Variants in NEDD4 observed in about 807,000 individuals in gnomAD.
The protein encoded by NEDD4 is NEDD4 E3 ubiquitin protein ligase.
Under a neutral mutation model 144.9 loss-of-function variants are expected in NEDD4, and 99 were observed. The ratio of observed to expected loss-of-function variants is 0.68; its 90% CI spans 0.58 to 0.81. NEDD4 has a LOEUF of 0.81. Among genes scored for constraint, NEDD4 ranks in the 30% least tolerant of loss-of-function variants. NEDD4 has a pLI of 0.00. For missense variants in NEDD4, 985 were observed against 1,065.9 expected (o/e 0.92, Z 1.06); for synonymous variants, 318 against 350.6 (o/e 0.91, Z 1.04).
chr15:55,993,443 A>G, intron 1 of NEDD4, 68 bp downstream of exon 1: 1 of 1,557,226 alleles, frequency 6.4e-7, no homozygotes, highest in Non-Finnish European at 8.7e-7. Context: ...CGCCGCCGCT[A>G]CCTCCCCGGG....
intron 5 of NEDD4, 38 bp from the exon 6 acceptor site, chr15:55,874,046 G>A (rs1232477717): frequency 6.9e-6 from 8 of 1,164,400 alleles, no homozygotes; most frequent in Middle Eastern, 2.0e-4. Flanking sequence ...TTAGTAATAC[G>A]CTCAATTCCT....
intron 4 of NEDD4, among the ~76,000 whole-genome samples, chr15:55,928,618 T>C (rs559476866): frequency 6.6e-6 from 1 of 152,326 alleles, no homozygotes; most frequent in East Asian, 1.9e-4. Context: ...TCTATCCACT[T>C]GCAACACCTT....
chr15:55,960,492 CT>C (rs1168912183), intron 2 of NEDD4, among the ~76,000 whole-genome samples: 2 of 152,140 alleles, frequency 1.3e-5, no homozygotes, highest in South Asian at 4.1e-4. Context: ...CAGTGATATG[CT>C]AGGGGCTCTT....
chr15:55,851,145 C>T (rs2033965287), intron 13 of NEDD4, among the ~76,000 whole-genome samples: 1 of 152,078 alleles, frequency 6.6e-6, no homozygotes, highest in Non-Finnish European at 1.5e-5. Context: ...TCCCAAAACT[C>T]ACAGGATGGG....
At chr15:55,992,660 G>A (rs963609770) in intron 1 of NEDD4, among the ~76,000 whole-genome samples, 2 of 152,136 alleles carry the variant, frequency 1.3e-5, no homozygotes, top group Non-Finnish European at 2.9e-5. Context: ...CAATCTCCAA[G>A]AACACACAGA....
intron 5 of NEDD4, among the ~76,000 whole-genome samples, chr15:55,899,110 T>C (rs978820205): frequency 2.0e-4 from 30 of 152,226 alleles, no homozygotes; most frequent in East Asian, 5.8e-4. Flanking sequence ...AGATTGTACA[T>C]ATGGCCAGAG....
At chr15:55,882,667 G>C (rs1478934136) in intron 5 of NEDD4, among the ~76,000 whole-genome samples, 1 of 152,192 alleles carries the variant, frequency 6.6e-6, no homozygotes, top group Admixed American at 6.5e-5. Context: ...GACTTGGGGG[G>C]CAGGTGATCT....
At chr15:55,931,943 C>G (rs1006493717) in intron 4 of NEDD4, among the ~76,000 whole-genome samples, 8 of 152,328 alleles carry the variant, frequency 5.3e-5, no homozygotes, top group African/African-American at 1.9e-4. Flanking sequence ...AACCACTAAT[C>G]TACTTTCTGT....
intron 18 of NEDD4, among the ~76,000 whole-genome samples, chr15:55,843,892 A>G (rs1260945135): frequency 6.6e-6 from 1 of 152,160 alleles, no homozygotes; most frequent in Non-Finnish European, 1.5e-5. Flanking sequence ...AAGGGAATAA[A>G]AACATAGGGT....
chr15:55,860,459 G>A lies in NEDD4; in HGVS notation c.908C>T (p.Ala303Val). The change falls in exon 11 of 29, where the codon GCC (alanine) becomes GTC (valine). Residue 303 changes from alanine to valine, a missense_variant. Ala to Val is a moderately conservative substitution (Grantham distance 64). Coordinates refer to ENST00000435532, the MANE Select transcript of NEDD4 (RefSeq NM_006154.4). ...TGAATTTCCAAAAATGGTGAGTCTG[G>A]CATTCAATTCTTCTGCAAGATGAGT... ...VPTHLAEELN[A>V]RLTIFGNSAV... 1 of 1,614,120 alleles carries A rather than the reference G, an allele frequency of 6.2e-7. No homozygotes were observed. Among genetic ancestry groups the A allele is most frequent in the Non-Finnish European group, 8.5e-7 (1 of 1,179,998 alleles).
At chr15:55,885,020 AG>A (rs1186899796) in intron 5 of NEDD4, among the ~76,000 whole-genome samples, 1 of 152,224 alleles carries the variant, frequency 6.6e-6, no homozygotes, top group Non-Finnish European at 1.5e-5. Context: ...AAACTCCCAC[AG>A]GTCAGGGGTA....
intron 5 of NEDD4, among the ~76,000 whole-genome samples, chr15:55,896,357 A>AT (rs1244987406): frequency 1.3e-5 from 2 of 151,796 alleles, no homozygotes; most frequent in East Asian, 3.9e-4. Context: ...TAATTTTTGT[A>AT]TTTTTTTGTA....
chr15:55,883,638 G>A (rs2035276449), intron 5 of NEDD4, among the ~76,000 whole-genome samples: 2 of 151,616 alleles, frequency 1.3e-5, no homozygotes, highest in Admixed American at 1.3e-4. Flanking sequence ...GGTGGCCACA[G>A]GGATGCTTGT....
intron 5 of NEDD4, among the ~76,000 whole-genome samples, chr15:55,912,944 C>T (rs535834874): frequency 6.6e-6 from 1 of 152,134 alleles, no homozygotes; most frequent in South Asian, 2.1e-4. Flanking sequence ...AAGTTGTAAA[C>T]ACAGAACACA....
Position 55,993,575 on chromosome 15 carries a change from A to G in NEDD4, c.-20T>C. 1 of 1,590,328 alleles carries G rather than the reference A, an allele frequency of 6.3e-7. No individual in the cohort carries two copies. Among genetic ancestry groups the G allele is most frequent in the Non-Finnish European group, 8.5e-7 (1 of 1,171,136 alleles). On this transcript the variant is annotated 5_prime_UTR_variant, in exon 1 of 29. Transcript: ENST00000435532. ...TGCCATTTCCGAACGCTTCCAGCAAACCGGACGCGCTCGCCCCCGCCCAGG... is the reference window on the plus strand; with the variant it reads ...TGCCATTTCCGAACGCTTCCAGCAAGCCGGACGCGCTCGCCCCCGCCCAGG...
intron 1 of NEDD4, among the ~76,000 whole-genome samples, chr15:55,975,233 C>A (rs1257151115): frequency 6.6e-6 from 1 of 151,758 alleles, no homozygotes. Flanking sequence ...TACTGGAAGT[C>A]CTAGCTAGAG....
intron 5 of NEDD4, among the ~76,000 whole-genome samples, chr15:55,913,572 C>A (rs1479831261): frequency 3.3e-5 from 5 of 151,998 alleles, no homozygotes; most frequent in Non-Finnish European, 5.9e-5. Context: ...CTGCACACTT[C>A]TGAATTATTT....
At chr15:55,973,549 A>C (rs997414765) in intron 1 of NEDD4, among the ~76,000 whole-genome samples, 1 of 152,180 alleles carries the variant, frequency 6.6e-6, no homozygotes, top group East Asian at 1.9e-4. Flanking sequence ...AAAAGAAAAA[A>C]ATTTAAAAAA....
chr15:55,905,455 C>A (rs2036059569), intron 5 of NEDD4, among the ~76,000 whole-genome samples: 1 of 152,136 alleles, frequency 6.6e-6, no homozygotes, highest in Non-Finnish European at 1.5e-5. Context: ...TCTCAAATAT[C>A]AACAACAGAT....
Sources: gnomAD v4.1 joint callset for allele counts (sites outside exome capture counted in the v4.1 genomes callset) on GRCh38, gnomAD v4.1.1 for gene constraint, MANE v1.5 for transcripts, NCBI Gene and HGNC (gene_info 2026-07-23, HGNC 2026-07-21) for gene names.